The following ROBO1 variants were observed in gnomAD, a reference collection of about 807,000 sequenced individuals.
ROBO1 encodes the protein roundabout guidance receptor 1.
A neutral mutation model predicts 195.9 loss-of-function variants in ROBO1; 149 were observed. That is an observed-to-expected ratio of 0.76 (90% CI 0.67 to 0.87). The LOEUF is 0.87. Among genes scored for constraint, ROBO1 ranks in the 40% least tolerant of loss-of-function variants. The pLI is 0.00. For missense variants in ROBO1, 1,933 were observed against 2,068.3 expected (o/e 0.93, Z 1.27); for synonymous variants, 816 against 733.2 (o/e 1.11, Z -1.82).
chr3:78,963,546 T>C (rs1184183201), intron 3 of ROBO1, among the ~76,000 whole-genome samples: 6 of 119,806 alleles, frequency 5.0e-5, no homozygotes, highest in African/African-American at 1.9e-4. Flanking sequence ...TGAGACGGAG[T>C]CTCGCTCTGT....
intron 4 of ROBO1, among the ~76,000 whole-genome samples, chr3:78,830,479 G>T (rs912723735): frequency 3.9e-5 from 6 of 152,108 alleles, no homozygotes; most frequent in Non-Finnish European, 8.8e-5. Context: ...AGCATGGCTG[G>T]GGAGGCCTCA....
At chr3:78,767,252 CTT>C (rs34608840) in intron 4 of ROBO1, among the ~76,000 whole-genome samples, 15 of 149,596 alleles carry the variant, frequency 1.0e-4, no homozygotes, top group Admixed American at 2.0e-4. Flanking sequence ...TGGTCCTGGA[CTT>C]TTTTTTTTTG....
intron 4 of ROBO1, among the ~76,000 whole-genome samples, chr3:78,913,985 T>G (rs375851128): frequency 6.6e-6 from 1 of 152,120 alleles, no homozygotes; most frequent in South Asian, 2.1e-4. Context: ...TAAGATTCAG[T>G]AATCAAAGTA....
At chr3:78,770,538 A>G (rs1294994933) in intron 4 of ROBO1, among the ~76,000 whole-genome samples, 1 of 152,178 alleles carries the variant, frequency 6.6e-6, no homozygotes, top group South Asian at 2.1e-4. Flanking sequence ...CTCTTGTCAG[A>G]TACACAAATT....
intron 2 of ROBO1, among the ~76,000 whole-genome samples, chr3:79,390,336 G>A (rs1220103811): frequency 1.3e-5 from 2 of 152,028 alleles, no homozygotes; most frequent in African/African-American, 2.4e-5. Context: ...AGGGATATAA[G>A]ATTGGGAGTT....
intron 4 of ROBO1, among the ~76,000 whole-genome samples, chr3:78,904,499 G>A (rs767982611): frequency 6.6e-6 from 1 of 151,876 alleles, no homozygotes; most frequent in Non-Finnish European, 1.5e-5. Flanking sequence ...ATTCCCAAAC[G>A]TCAATATGTC....
chr3:78,608,264 C>A (rs886257622), intron 28 of ROBO1, among the ~76,000 whole-genome samples: 2 of 151,786 alleles, frequency 1.3e-5, no homozygotes, highest in African/African-American at 4.8e-5. Flanking sequence ...TGCCACCACA[C>A]CCGATTAACT....
chr3:79,019,722 C>A (rs2078058250), intron 3 of ROBO1, among the ~76,000 whole-genome samples: 1 of 152,034 alleles, frequency 6.6e-6, no homozygotes, highest in Non-Finnish European at 1.5e-5. Flanking sequence ...CCCCTAGCTC[C>A]CCTGCACCTT....
chr3:78,617,882 C>A lies in ROBO1; in HGVS notation c.4035G>T (p.Arg1345Ser). Residue 1345 changes from arginine (R) to serine (S), a missense_variant, in exon 27 of 31, where the codon AGG (arginine) becomes AGT (serine). Arg to Ser is a moderately radical substitution (Grantham distance 110). Around this residue, in one of 3 missense-constraint regions of ROBO1, gnomAD observed 1,737 missense variants for 1,882.5 expected, o/e 0.92. Coordinates refer to ENST00000464233, the MANE Select transcript of ROBO1 (RefSeq NM_002941.4). ...TCTGCTCAAGCCCACGTAACAAAAG[C>A]CTTCTGGTTTGCATCTTGGCTACCT... is the stretch of plus-strand genomic sequence containing the variant. ...DMEVAKMQTR[R>S]LLLRGLEQTP... 2.5e-6 allele frequency: 4 copies of A among 1,614,018 alleles called. No homozygotes were observed. Among genetic ancestry groups the A allele is most frequent in the Non-Finnish European group, 3.4e-6 (4 of 1,179,898 alleles).
chr3:78,896,599 ACT>A (rs1364985970), intron 4 of ROBO1, among the ~76,000 whole-genome samples: 1 of 132,732 alleles, frequency 7.5e-6, no homozygotes, highest in African/African-American at 2.9e-5. Context: ...CCCTTTGCTG[ACT>A]CTCTTTTCGG....
At chr3:78,881,693 A>T (rs879837964) in intron 4 of ROBO1, among the ~76,000 whole-genome samples, 1 of 152,152 alleles carries the variant, frequency 6.6e-6, no homozygotes, top group Non-Finnish European at 1.5e-5. Context: ...TTTATTATCG[A>T]CTGCATCAGG....
intron 2 of ROBO1, among the ~76,000 whole-genome samples, chr3:79,551,568 G>A (rs2107675945): frequency 1.3e-5 from 2 of 152,124 alleles, no homozygotes; most frequent in Middle Eastern, 3.4e-3. Flanking sequence ...AAACAGCAAA[G>A]CTTTGATGTC....
intron 2 of ROBO1, among the ~76,000 whole-genome samples, chr3:79,232,371 A>G (rs937100859): frequency 2.6e-5 from 4 of 151,292 alleles, no homozygotes; most frequent in African/African-American, 9.7e-5. Context: ...AATATGAGAA[A>G]AAAATAAAAG....
intron 2 of ROBO1, among the ~76,000 whole-genome samples, chr3:79,155,124 G>A (rs1305634525): frequency 6.6e-6 from 1 of 151,570 alleles, no homozygotes; most frequent in African/African-American, 2.4e-5. Flanking sequence ...CTACATCTAT[G>A]TCTCAAACAC....
At chr3:79,708,162 A>T (rs1702132467) in intron 1 of ROBO1, among the ~76,000 whole-genome samples, 1 of 152,174 alleles carries the variant, frequency 6.6e-6, no homozygotes, top group African/African-American at 2.4e-5. Context: ...GTTTCTTAAA[A>T]GCAGGAGAGG....
At chr3:79,649,857 C>T (rs73849399) in intron 1 of ROBO1, among the ~76,000 whole-genome samples, 1,763 of 152,038 alleles carry the variant, frequency 0.012, 30 homozygotes, top group African/African-American at 0.041. Flanking sequence ...GGAGATCGGA[C>T]GCATCCTTCC....
chr3:79,328,649 G>A (rs2034312909), intron 2 of ROBO1, among the ~76,000 whole-genome samples: 1 of 151,898 alleles, frequency 6.6e-6, no homozygotes, highest in African/African-American at 2.4e-5. Context: ...CAATAGTTTT[G>A]GGGGAACATG....
intron 11 of ROBO1, among the ~76,000 whole-genome samples, chr3:78,669,745 T>C (rs1707953467): frequency 6.6e-6 from 1 of 152,176 alleles, no homozygotes; most frequent in Admixed American, 6.5e-5. Context: ...CATAAAATGA[T>C]ACAGGTAAAT....
chr3:79,450,517 T>C (rs2039407685), intron 2 of ROBO1, among the ~76,000 whole-genome samples: 1 of 152,062 alleles, frequency 6.6e-6, no homozygotes, highest in African/African-American at 2.4e-5. Context: ...TTATGAAAAA[T>C]GAGATAGATT....
Sources: gnomAD v4.1 joint callset for allele counts (sites outside exome capture counted in the v4.1 genomes callset) on GRCh38, gnomAD v4.1.1 for gene constraint, gnomAD v4.1.1 regional missense constraint, MANE v1.5 for transcripts, NCBI Gene and HGNC (gene_info 2026-07-23, HGNC 2026-07-21) for gene names.